Variants in PTPN21 observed in about 807,000 individuals in gnomAD.
The protein encoded by PTPN21 is tyrosine-protein phosphatase non-receptor type 21.
A neutral mutation model predicts 131.8 loss-of-function variants in PTPN21; 77 were observed. The ratio of observed to expected loss-of-function variants is 0.58; its 90% CI spans 0.49 to 0.71. The LOEUF (loss-of-function observed/expected upper bound fraction) is 0.71, where lower values mean the gene tolerates loss of function less well. Ranked by LOEUF, PTPN21 falls within the 30% of genes least tolerant of loss-of-function variation. The probability of loss-of-function intolerance (pLI) is 0.00; values close to 1 mark genes in which losing one functional copy is unlikely to be tolerated. For synonymous variants in PTPN21, 715 were observed against 621.3 expected, an observed-to-expected ratio of 1.15 and a Z score of -2.24; for missense variants, 1,552 against 1,527.1, an observed-to-expected ratio of 1.02 and a Z score of -0.27.
At chr14:88,507,806 A>AAT (rs2078115374) in intron 4 of PTPN21, 117 bp downstream of exon 4, 1 of 531,542 alleles carries the variant, frequency 1.9e-6, no homozygotes, top group Non-Finnish European at 3.1e-6. Flanking sequence ...ATATTTCACT[A>AAT]ATATATAAAC....
intron 3 of PTPN21, among the ~76,000 whole-genome samples, chr14:88,514,326 G>A (rs1219086029): frequency 6.6e-6 from 1 of 152,074 alleles, no homozygotes; most frequent in Non-Finnish European, 1.5e-5. Flanking sequence ...TTCATATCAT[G>A]TTATTTTCTT....
intron 13 of PTPN21, among the ~76,000 whole-genome samples, chr14:88,475,738 C>T (rs937162988): frequency 2.0e-5 from 3 of 152,190 alleles, no homozygotes; most frequent in African/African-American, 7.2e-5. Flanking sequence ...TCAATTGGCT[C>T]ACAAGGTTCC....
At chr14:88,517,406 A>G in intron 2 of PTPN21, 145 bp from the exon 3 acceptor site, 1 of 878,350 alleles carries the variant, frequency 1.1e-6, no homozygotes, top group Non-Finnish European at 1.7e-6. Context: ...GCAAAAACTG[A>G]AGGAAAAAAA....
At chr14:88,478,816 TA>T in intron 13 of PTPN21, 103 bp downstream of exon 13, 1 of 691,442 alleles carries the variant, frequency 1.4e-6, no homozygotes, top group Non-Finnish European at 2.2e-6. Context: ...TGAAGAACGT[TA>T]AAAGAACAAG....
At chr14:88,529,724 G>C (rs2078527520) in intron 2 of PTPN21, among the ~76,000 whole-genome samples, 1 of 152,156 alleles carries the variant, frequency 6.6e-6, no homozygotes, top group African/African-American at 2.4e-5. Flanking sequence ...GCTCACTCCT[G>C]TAATCCCAGC....
rs766711012 is a variant in PTPN21, at chr14:88,479,255, G to C, written c.2176C>G (p.Arg726Gly). The change falls in exon 13 of 19, where the codon CGG becomes GGG. Residue 726 changes from arginine (R) to glycine (G), a missense_variant. By Grantham distance (125) the Arg-to-Gly change is moderately radical. This residue lies in a region of PTPN21 where 1,016 missense variants were observed against 883.5 expected (regional missense o/e 1.15). Transcript: ENST00000556564. ...DEDFEEESGA[R>G]APPARAREPR... ...TCGCGCGCACGTGCAGGAGGCGCCC[G>C]GGCCCCGCTCTCCTCCTCGAAGTCC... The C allele has an allele frequency of 8.1e-6, 13 of 1,611,624 alleles. No individual in the cohort carries two copies. In the South Asian group the frequency reaches 1.4e-4, roughly 18 times the overall value.
In PTPN21 at chr14:88,516,961, T is replaced by C. The variant is rs1718080772; in HGVS notation, c.350+131A>G. ...GACATGCCACATATGAGAATCTCTT[T>C]GTAACACCGTGGCTAAAAATGTGGG... On this transcript the variant is annotated intron_variant, in intron 3 of 18. Coordinates refer to ENST00000556564, the MANE Select transcript of PTPN21 (RefSeq NM_007039.4). 3 of 1,028,884 alleles carry C rather than the reference T, an allele frequency of 2.9e-6. No homozygotes were observed. In the Admixed American group the frequency reaches 8.0e-5, roughly 27 times the overall value. The allele number at this position is 1,028,884 out of a possible 1,614,324, so 63.7% of individuals were successfully genotyped here.
At chr14:88,536,710 T>G (rs2078636746) in intron 2 of PTPN21, among the ~76,000 whole-genome samples, 1 of 152,072 alleles carries the variant, frequency 6.6e-6, no homozygotes, top group East Asian at 1.9e-4. Context: ...AGCTGAAGGG[T>G]TTTTAAAGCC....
intron 9 of PTPN21, 74 bp from the exon 10 acceptor site, chr14:88,496,566 T>A: frequency 8.7e-7 from 1 of 1,153,194 alleles, no homozygotes; most frequent in Non-Finnish European, 1.3e-6. Context: ...AGAGTTTGTC[T>A]AAAGACATAA....
chr14:88,467,997 G>T lies in PTPN21; in HGVS notation c.*140C>A, dbSNP rs761156386. Reference sequence around the variant, plus strand: ...CTTCGCACGTTTCCTTCAGCGTGCCGCCATTCAGACTGCGCCACTTACGTC... The same window carrying T: ...CTTCGCACGTTTCCTTCAGCGTGCCTCCATTCAGACTGCGCCACTTACGTC... On this transcript the variant is annotated 3_prime_UTR_variant, in exon 19 of 19. Coordinates refer to ENST00000556564, the MANE Select transcript of PTPN21 (RefSeq NM_007039.4). 9.3e-7 allele frequency: 1 copy of T among 1,080,672 alleles called. No homozygotes were observed. The highest frequency in any genetic ancestry group is 1.4e-6 in the Non-Finnish European group (1 of 723,446). 66.9% of individuals were successfully genotyped at this position (1,080,672 alleles called of 1,614,324 possible).
chr14:88,486,421 C>G (rs1892816256), intron 10 of PTPN21, among the ~76,000 whole-genome samples: 1 of 152,092 alleles, frequency 6.6e-6, no homozygotes, highest in African/African-American at 2.4e-5. Flanking sequence ...TTTCCAAGTG[C>G]AGTAAGCATG....
At chr14:88,504,981 C>T (rs191075797) in intron 5 of PTPN21, among the ~76,000 whole-genome samples, 7 of 152,282 alleles carry the variant, frequency 4.6e-5, no homozygotes, top group Admixed American at 3.3e-4. Flanking sequence ...TGTAAGGTTT[C>T]AAACCTTCAG....
rs145633912 is a variant in PTPN21, at chr14:88,469,659, C to T, written c.3075G>A (p.Arg1025=). Reference sequence around the variant, plus strand: ...TGCGGAACCGGGTCGTGATCTTAAACCTTCCATAGGTGACAGTGTTGTGCC... The same window carrying T: ...TGCGGAACCGGGTCGTGATCTTAAATCTTCCATAGGTGACAGTGTTGTGCC... ...GSRHNTVTYG[R]FKITTRFRTD... Residue 1025 remains arginine, a synonymous_variant, in exon 17 of 19, where the codon AGG becomes AGA. Coordinates refer to ENST00000556564, the MANE Select transcript of PTPN21 (RefSeq NM_007039.4). The surrounding 1 kb of genome is among the most constrained non-coding windows in gnomAD (Gnocchi z 4.3). 8 of 1,614,024 alleles carry T rather than the reference C, an allele frequency of 5.0e-6. No individual in the cohort carries two copies. The highest frequency in any genetic ancestry group is 1.1e-5 in the South Asian group (1 of 91,080).
At chr14:88,541,055 T>C (rs1595415885) in intron 2 of PTPN21, among the ~76,000 whole-genome samples, 1 of 152,328 alleles carries the variant, frequency 6.6e-6, no homozygotes, top group Admixed American at 6.5e-5. Context: ...AAGTCAAAAC[T>C]TATTTAAAAT....
chr14:88,538,273 T>G (rs2078657819), intron 2 of PTPN21, among the ~76,000 whole-genome samples: 1 of 152,220 alleles, frequency 6.6e-6, no homozygotes, highest in Non-Finnish European at 1.5e-5. Context: ...CCTTTCTCCT[T>G]GCTTGGATGA....
rs1303136629 is a variant in PTPN21 at position 88,469,108 on chromosome 14, C to T, written c.3236-32G>A. 3.8e-6 allele frequency: 6 copies of T among 1,589,918 alleles called. No individual in the cohort carries two copies. The highest frequency in any genetic ancestry group is 5.2e-6 in the Non-Finnish European group (6 of 1,162,916). Reference sequence around the variant, plus strand: ...AAAATCAATGAAATAGAAAAGTACTCAAGGATCAAGGCGTATCACATTGTT... The same window carrying T: ...AAAATCAATGAAATAGAAAAGTACTTAAGGATCAAGGCGTATCACATTGTT... On this transcript the variant is annotated intron_variant, in intron 17 of 18. Transcript: ENST00000556564. The surrounding 1 kb of genome is among the most constrained non-coding windows in gnomAD (Gnocchi z 4.3).
chr14:88,497,381 G>A (rs1768685715), intron 8 of PTPN21, 91 bp from the exon 9 acceptor site: 10 of 988,718 alleles, frequency 1.0e-5, no homozygotes, highest in Non-Finnish European at 1.6e-5. Flanking sequence ...AGCCTGACGT[G>A]TAAGTTAGCA....
chr14:88,541,070 A>G (rs1420325773), intron 2 of PTPN21, among the ~76,000 whole-genome samples: 1 of 152,194 alleles, frequency 6.6e-6, no homozygotes, highest in Non-Finnish European at 1.5e-5. Flanking sequence ...TAAAATAACA[A>G]AACTACTCTG....
At position 88,550,286 on chromosome 14, in the gene PTPN21, A is replaced by C. The variant is rs1345546363; in HGVS notation, c.132T>G (p.Thr44=). 6.2e-7 allele frequency: 1 copy of C among 1,614,060 alleles called. No individual in the cohort carries two copies. The change falls in exon 2 of 19, where the codon ACT becomes ACG. Residue 44 remains threonine, a synonymous_variant. Transcript: ENST00000556564. ...CCACGGCCTCGAGGCTTTCCTGGCCAGTGCTCTCCACGGACAGGGTGAACT... is the reference window on the plus strand; with the variant it reads ...CCACGGCCTCGAGGCTTTCCTGGCCCGTGCTCTCCACGGACAGGGTGAACT... ...FVEFTLSVES[T]GQESLEAVAQ... is the part of the protein sequence containing the mutation.
Sources: allele counts gnomAD v4.1 joint callset (sites outside exome capture counted in the v4.1 genomes callset), GRCh38; gene constraint gnomAD v4.1.1; regional missense constraint gnomAD v4.1.1; non-coding constraint Gnocchi (gnomAD v3.1); transcripts MANE v1.5; gene names NCBI Gene and HGNC (gene_info 2026-07-23, HGNC 2026-07-21).